Variants in PTPRN2 observed in about 807,000 individuals in gnomAD.
PTPRN2 encodes receptor-type tyrosine-protein phosphatase N2.
In PTPRN2, 74 loss-of-function variants were observed where a neutral mutation model predicts 118.8. That is an observed-to-expected ratio of 0.62 (90% CI 0.52 to 0.76). PTPRN2 has a LOEUF of 0.76. PTPRN2 is among the 30% of genes least tolerant of loss of function. The probability of loss-of-function intolerance (pLI) is 0.00; values close to 1 mark genes in which losing one functional copy is unlikely to be tolerated. For missense variants in PTPRN2, 1,481 were observed against 1,394.4 expected (o/e 1.06, Z -0.99); for synonymous variants, 641 against 608.0 (o/e 1.05, Z -0.80).
intron 11 of PTPRN2, among the ~76,000 whole-genome samples, chr7:158,001,268 C>T (rs1051473386): frequency 2.6e-5 from 4 of 151,214 alleles, no homozygotes; most frequent in African/African-American, 2.4e-5. Context: ...GGCTGAGGTT[C>T]GGCCACAGGT....
At chr7:158,080,453 A>G (rs10949696) in intron 11 of PTPRN2, among the ~76,000 whole-genome samples, 96,597 of 151,504 alleles carry the variant, frequency 0.64, 31,305 homozygotes, top group East Asian at 0.92. Context: ...GAACGGGAGC[A>G]CCCTGCCTGC....
At chr7:158,144,324 G>C (rs1819679040) in intron 6 of PTPRN2, among the ~76,000 whole-genome samples, 1 of 152,180 alleles carries the variant, frequency 6.6e-6, no homozygotes, top group South Asian at 2.1e-4. Context: ...TTGCCAGCAG[G>C]AAAATGCCAA....
chr7:157,547,849 G>C (rs551524901), intron 22 of PTPRN2, among the ~76,000 whole-genome samples: 1 of 151,914 alleles, frequency 6.6e-6, no homozygotes, highest in South Asian at 2.1e-4. Flanking sequence ...CGCTCTAGAA[G>C]ACCTCACAGC....
chr7:158,406,483 G>A (rs1813449698), intron 2 of PTPRN2, among the ~76,000 whole-genome samples: 1 of 152,188 alleles, frequency 6.6e-6, no homozygotes, highest in African/African-American at 2.4e-5. Flanking sequence ...GAGACATGTG[G>A]CTGCACACTG....
rs530937958 is a variant in PTPRN2, at chr7:157,689,225, C to T, written c.1789-6288G>A. The stretch of plus-strand genomic sequence containing the variant: ...CTCCGCACAAACCTTCACTTCCTCT[C>T]TTGTTCGATCGCGTCCTAAAATCTG... On this transcript the variant is annotated intron_variant, in intron 12 of 22. Transcript: ENST00000389418. 2.5e-4 allele frequency among the ~76,000 whole-genome samples: 38 copies of T among 152,376 alleles called. No individual in the cohort carries two copies. The East Asian group carries it at 5.6e-3, about 22-fold the overall frequency.
At chr7:158,138,205 A>C in intron 7 of PTPRN2, 89 bp downstream of exon 7, 1 of 1,162,320 alleles carries the variant, frequency 8.6e-7, no homozygotes, top group Non-Finnish European at 1.2e-6. Flanking sequence ...CCCACATTGC[A>C]CTTGGTGAGC....
intron 2 of PTPRN2, among the ~76,000 whole-genome samples, chr7:158,386,826 C>G (rs1811421718): frequency 6.6e-6 from 1 of 152,170 alleles, no homozygotes; most frequent in Admixed American, 6.5e-5. Context: ...ATGCAGCTCT[C>G]CAGAGTTTTA....
chr7:157,620,668 C>T (rs892704495), intron 15 of PTPRN2, among the ~76,000 whole-genome samples: 1 of 152,198 alleles, frequency 6.6e-6, no homozygotes, highest in African/African-American at 2.4e-5. Context: ...CTGATGCTCA[C>T]TGGGGTGCAG....
At chr7:157,607,934 G>A (rs761251207) in intron 15 of PTPRN2, among the ~76,000 whole-genome samples, 4 of 152,142 alleles carry the variant, frequency 2.6e-5, no homozygotes, top group Non-Finnish European at 4.4e-5. Context: ...TGTTTTAGCC[G>A]AATTCATTTC....
chr7:158,365,854 A>ACC (rs2151303993), intron 2 of PTPRN2, among the ~76,000 whole-genome samples: 1 of 144,028 alleles, frequency 6.9e-6, no homozygotes, highest in Non-Finnish European at 1.5e-5. Flanking sequence ...ACACACCCAC[A>ACC]CACACACAGC....
rs369448600 is a variant in PTPRN2 at position 157,820,662 on chromosome 7, A to G, written c.1788+78011T>C. Among the ~76,000 whole-genome samples the G allele has an allele frequency of 5.3e-5, 8 of 152,164 alleles. No individual in the cohort carries two copies. The East Asian group carries it at 9.6e-4, about 18-fold the overall frequency. ...CGTGCACACACACATGCACACACAC[A>G]TACACACACCTTCACCTGAGGCCAA... On this transcript the variant is annotated intron_variant, in intron 12 of 22. Coordinates refer to ENST00000389418, the MANE Select transcript of PTPRN2 (RefSeq NM_002847.5).
At chr7:157,710,207 A>T (rs759450053) in intron 12 of PTPRN2, among the ~76,000 whole-genome samples, 19 of 152,182 alleles carry the variant, frequency 1.2e-4, no homozygotes, top group Non-Finnish European at 1.9e-4. Flanking sequence ...TCCTGCGTCC[A>T]TTCGATCCCC....
At chr7:157,926,024 G>A (rs1328078397) in intron 11 of PTPRN2, among the ~76,000 whole-genome samples, 1 of 132,932 alleles carries the variant, frequency 7.5e-6, no homozygotes, top group African/African-American at 2.8e-5. Context: ...AATTAGTTTA[G>A]ACTTTATTAA....
intron 12 of PTPRN2, among the ~76,000 whole-genome samples, chr7:157,698,321 C>G (rs1182736025): frequency 6.6e-6 from 1 of 152,192 alleles, no homozygotes; most frequent in Non-Finnish European, 1.5e-5. Flanking sequence ...ACCAACACAA[C>G]TCAGCTTTTA....
chr7:157,841,641 C>T (rs1808429602), intron 12 of PTPRN2, among the ~76,000 whole-genome samples: 1 of 152,228 alleles, frequency 6.6e-6, no homozygotes, highest in Admixed American at 6.5e-5. Context: ...TTTGTGCTTC[C>T]TGGCCTGGCG....
At chr7:157,833,711 A>G (rs1014463475) in intron 12 of PTPRN2, among the ~76,000 whole-genome samples, 1 of 152,234 alleles carries the variant, frequency 6.6e-6, no homozygotes, top group Non-Finnish European at 1.5e-5. Flanking sequence ...GGGTGTGGAG[A>G]TGCAGCCGTT....
intron 6 of PTPRN2, among the ~76,000 whole-genome samples, chr7:158,164,254 C>T (rs977139388): frequency 1.3e-5 from 2 of 151,234 alleles, no homozygotes; most frequent in Non-Finnish European, 2.9e-5. Context: ...GGAGCGCACG[C>T]GTAGGAAGAG....
At chr7:158,192,639 G>A in intron 4 of PTPRN2, 144 bp from the exon 5 acceptor site, 3 of 923,008 alleles carry the variant, frequency 3.3e-6, no homozygotes, top group Non-Finnish European at 1.6e-6. Context: ...CCATGACCAT[G>A]GGTTTGAACT....
chr7:157,832,951 G>A (rs1407363953), intron 12 of PTPRN2, among the ~76,000 whole-genome samples: 2 of 152,274 alleles, frequency 1.3e-5, no homozygotes, highest in African/African-American at 4.8e-5. Flanking sequence ...TCCAGGAGGT[G>A]CGTGATGTGG....
Sources: allele counts gnomAD v4.1 joint callset (sites outside exome capture counted in the v4.1 genomes callset), GRCh38; gene constraint gnomAD v4.1.1; transcripts MANE v1.5; gene names NCBI Gene and HGNC (gene_info 2026-07-23, HGNC 2026-07-21).